The following TMEM236 variants were observed in gnomAD, a reference collection of about 807,000 sequenced individuals.
The protein encoded by TMEM236 is transmembrane protein 236, also known as family with sequence similarity 23, member A.
A neutral mutation model predicts 14.7 loss-of-function variants in TMEM236; 11 were observed. That is an observed-to-expected ratio of 0.75 (90% CI 0.47 to 1.24). The LOEUF is 1.24. Ranked by LOEUF, TMEM236 falls within the 50% of genes most tolerant of loss-of-function variation. TMEM236 has a pLI of 0.00. For missense variants in TMEM236, 464 were observed against 427.3 expected (o/e 1.09, Z -0.76); for synonymous variants, 182 against 168.6 (o/e 1.08, Z -0.62).
At chr10:17,760,739 C>T (rs1177572903) in intron 1 of TMEM236, among the ~76,000 whole-genome samples, 2 of 152,156 alleles carry the variant, frequency 1.3e-5, no homozygotes, top group African/African-American at 2.4e-5. Context: ...AGTTCCACAT[C>T]GCTGGGGAGG....
chr10:17,766,133 C>A (rs1443974736), intron 1 of TMEM236, among the ~76,000 whole-genome samples: 2 of 152,172 alleles, frequency 1.3e-5, no homozygotes, highest in Non-Finnish European at 2.9e-5. Flanking sequence ...GTTCTAGTTC[C>A]TTTTTGCTTA....
intron 2 of TMEM236, among the ~76,000 whole-genome samples, chr10:17,775,608 G>A (rs1459348669): frequency 3.3e-5 from 5 of 152,166 alleles, no homozygotes; most frequent in African/African-American, 7.2e-5. Flanking sequence ...TTAAGCAGAC[G>A]AAGGAAGTGT....
chr10:17,761,844 A>T (rs1837369580), intron 1 of TMEM236, among the ~76,000 whole-genome samples: 1 of 152,158 alleles, frequency 6.6e-6, no homozygotes, highest in Admixed American at 6.5e-5. Context: ...CTTCAAAATG[A>T]TTTCTCACAA....
intron 3 of TMEM236, among the ~76,000 whole-genome samples, chr10:17,787,107 G>A (rs950238126): frequency 5.1e-4 from 78 of 152,134 alleles, no homozygotes; most frequent in African/African-American, 1.7e-3. Context: ...GCATGAAAAC[G>A]GACTAATACA....
At position 17,778,961 on chromosome 10, in the gene TMEM236, G is replaced by T. The variant is rs1035209719; in HGVS notation, c.472+2791G>T. On this transcript the variant is annotated intron_variant, in intron 3 of 3. Transcript: ENST00000377495. Reference sequence around the variant, plus strand: ...AATTATCATGCAACAGCTTCTAAGTGCATCGTTTCATGGAGGTAGAGCAGT... The same window carrying T: ...AATTATCATGCAACAGCTTCTAAGTTCATCGTTTCATGGAGGTAGAGCAGT... Among the ~76,000 whole-genome samples the T allele has an allele frequency of 3.7e-3, 568 of 152,268 alleles. 1 individual carries two copies. Among genetic ancestry groups the T allele is most frequent in the African/African-American group, 0.013 (535 of 41,536 alleles).
chr10:17,796,692 G>A lies in TMEM236; in HGVS notation c.*188G>A, dbSNP rs1330891358. 1.6e-6 allele frequency: 1 copy of A among 607,394 alleles called. No homozygotes were observed. Among genetic ancestry groups the A allele is most frequent in the African/African-American group, 1.9e-5 (1 of 53,534 alleles). The allele number at this position is 607,394 out of a possible 1,614,324, so 37.6% of individuals were successfully genotyped here. Reference sequence around the variant, plus strand: ...CATATACAAATGGTGCTAAATTTAAGTAAAGTAATATTCTTATAAGTTGGC... The same window carrying A: ...CATATACAAATGGTGCTAAATTTAAATAAAGTAATATTCTTATAAGTTGGC... On this transcript the variant is annotated 3_prime_UTR_variant, in exon 4 of 4. Transcript: ENST00000377495.
chr10:17,788,874 G>T (rs915853870), intron 3 of TMEM236, among the ~76,000 whole-genome samples: 15 of 152,194 alleles, frequency 9.9e-5, no homozygotes, highest in African/African-American at 3.6e-4. Flanking sequence ...CTGATGACGG[G>T]TTGAATATTT....
rs1266291422 is a variant in TMEM236, at chr10:17,799,115, T to C, written c.*2611T>C. 1.7e-5 allele frequency: 3 copies of C among 176,054 alleles called. No homozygotes were observed. The East Asian group carries it at 4.9e-4, about 29-fold the overall frequency. The allele number at this position is 176,054 out of a possible 1,614,324, so 10.9% of individuals were successfully genotyped here. On this transcript the variant is annotated 3_prime_UTR_variant, in exon 4 of 4. Coordinates refer to ENST00000377495, the MANE Select transcript of TMEM236 (RefSeq NM_001098844.3). ...AGCCTTCATTCATCAGACATTTGAG[T>C]GTCTGTCCTCTGAGTTCCCATAGAA...
intron 3 of TMEM236, among the ~76,000 whole-genome samples, chr10:17,788,808 A>C (rs2131764154): frequency 6.6e-6 from 1 of 152,350 alleles, no homozygotes; most frequent in East Asian, 1.9e-4. Flanking sequence ...TTCTGTAAAG[A>C]AAGTTGCCGC....
At chr10:17,762,557 T>C (rs1271838445) in intron 1 of TMEM236, among the ~76,000 whole-genome samples, 4 of 142,258 alleles carry the variant, frequency 2.8e-5, no homozygotes, top group African/African-American at 5.1e-5. Flanking sequence ...TAGGTATATA[T>C]TTACCTATCT....
intron 3 of TMEM236, among the ~76,000 whole-genome samples, chr10:17,783,797 G>A (rs950985582): frequency 6.6e-6 from 1 of 151,998 alleles, no homozygotes; most frequent in Non-Finnish European, 1.5e-5. Flanking sequence ...AAATAGTATC[G>A]TAGGCAAAAT....
intron 3 of TMEM236, among the ~76,000 whole-genome samples, chr10:17,791,032 C>A (rs1045023729): frequency 1.1e-4 from 16 of 152,066 alleles, no homozygotes; most frequent in Admixed American, 2.0e-4. Flanking sequence ...GTCTCTGCCA[C>A]AGACAGTGTG....
chr10:17,765,831 G>A (rs1160853563), intron 1 of TMEM236, among the ~76,000 whole-genome samples: 1 of 152,308 alleles, frequency 6.6e-6, no homozygotes, highest in Non-Finnish European at 1.5e-5. Context: ...GCTTGTGGTT[G>A]CAGCACCAGT....
At chr10:17,780,057 C>G (rs925300119) in intron 3 of TMEM236, among the ~76,000 whole-genome samples, 7 of 152,152 alleles carry the variant, frequency 4.6e-5, no homozygotes, top group Non-Finnish European at 1.0e-4. Flanking sequence ...AAACAACAGC[C>G]TTTTAGCCCT....
intron 1 of TMEM236, among the ~76,000 whole-genome samples, chr10:17,764,258 T>C (rs1348899688): frequency 1.3e-5 from 2 of 152,168 alleles, no homozygotes; most frequent in Non-Finnish European, 2.9e-5. Context: ...TGTAACCCAA[T>C]GTGGCTGAGC....
At chr10:17,775,784 T>A (rs1203014046) in intron 2 of TMEM236, among the ~76,000 whole-genome samples, 3 of 152,226 alleles carry the variant, frequency 2.0e-5, no homozygotes, top group Non-Finnish European at 4.4e-5. Context: ...TACTGTTTTT[T>A]GCATGTATTT....
chr10:17,773,223 T>C (rs1185596756), intron 2 of TMEM236, among the ~76,000 whole-genome samples: 2 of 152,184 alleles, frequency 1.3e-5, no homozygotes, highest in South Asian at 4.1e-4. Flanking sequence ...GATATTGAAA[T>C]GTTAAATTGT....
At chr10:17,769,718 G>A (rs1564595672) in intron 1 of TMEM236, among the ~76,000 whole-genome samples, 1 of 152,196 alleles carries the variant, frequency 6.6e-6, no homozygotes. Flanking sequence ...GGCCATGAGA[G>A]AGGGGTAATC....
chr10:17,753,833 C>T (rs1276421948), intron 1 of TMEM236, among the ~76,000 whole-genome samples: 1 of 152,154 alleles, frequency 6.6e-6, no homozygotes, highest in Non-Finnish European at 1.5e-5. Flanking sequence ...CACTGTCTTC[C>T]ACAATGGTTA....
Sources: allele counts gnomAD v4.1 joint callset (sites outside exome capture counted in the v4.1 genomes callset), GRCh38; gene constraint gnomAD v4.1.1; transcripts MANE v1.5; gene names NCBI Gene and HGNC (gene_info 2026-07-23, HGNC 2026-07-21).